Variants in NR2F1-AS1 observed in about 807,000 individuals in gnomAD.
The protein encoded by NR2F1-AS1 is NR2F1 regulatory antisense RNA 1.
intron 1 of NR2F1-AS1, chr5:93,569,954 C>G (rs1176505796): frequency 6.6e-6 from 1 of 152,208 alleles, no homozygotes; most frequent in African/African-American, 2.4e-5. Flanking sequence ...AGCAGTCCTC[C>G]CAACAGATTG....
chr5:93,484,107 A>C (rs1750663472), intron 4 of NR2F1-AS1, among the ~76,000 whole-genome samples: 1 of 152,192 alleles, frequency 6.6e-6, no homozygotes, highest in Non-Finnish European at 1.5e-5. Flanking sequence ...AGAACATCAC[A>C]AAGATACTCC....
chr5:93,455,903 A>G (rs913893602), intron 4 of NR2F1-AS1, among the ~76,000 whole-genome samples: 1 of 152,040 alleles, frequency 6.6e-6, no homozygotes, highest in African/African-American at 2.4e-5. Context: ...ACAAAATCCA[A>G]CACCTATTCA....
At chr5:93,434,878 ATGT>A (rs1170716905) in intron 4 of NR2F1-AS1, among the ~76,000 whole-genome samples, 2 of 152,150 alleles carry the variant, frequency 1.3e-5, no homozygotes, top group African/African-American at 2.4e-5. Flanking sequence ...TATATAAATG[ATGT>A]TGTGTTCTTC....
At position 93,527,038 on chromosome 5, in the gene NR2F1-AS1, G is replaced by A. The variant is rs181629552; in HGVS notation, n.638+26723C>T. 2.0e-5 allele frequency among the ~76,000 whole-genome samples: 3 copies of A among 152,288 alleles called. No homozygotes were observed. In the East Asian group the frequency reaches 5.8e-4, roughly 29 times the overall value. On this transcript the variant is annotated intron_variant and non_coding_transcript_variant, in intron 4 of 5. Coordinates refer to ENST00000660523, the Ensembl canonical transcript of NR2F1-AS1. ...AAAGAAATAAAGGGTATTCAAACAG[G>A]AAGAGAGGAAGTCAAATTGTCTCTG...
At chr5:93,529,255 A>G (rs1007755450) in intron 4 of NR2F1-AS1, among the ~76,000 whole-genome samples, 2 of 152,192 alleles carry the variant, frequency 1.3e-5, no homozygotes, top group Non-Finnish European at 2.9e-5. Context: ...GCTCTGTTTT[A>G]AAGGTATGGG....
chr5:93,554,555 CTTAT>C (rs1413205233), intron 3 of NR2F1-AS1, among the ~76,000 whole-genome samples: 1 of 151,982 alleles, frequency 6.6e-6, no homozygotes, highest in Non-Finnish European at 1.5e-5. Context: ...ATGTTACATG[CTTAT>C]TTATTATTTA....
Position 93,416,692 on chromosome 5 carries a change from G to A in NR2F1-AS1, n.639-21150C>T, listed in dbSNP as rs140883021. Reference sequence around the variant, plus strand: ...CTTTAAGAGATGTTAACTTTCCTAGGGCCACATAGCTACTAAGCGGTCGAA... The same window carrying A: ...CTTTAAGAGATGTTAACTTTCCTAGAGCCACATAGCTACTAAGCGGTCGAA... On this transcript the variant is annotated intron_variant and non_coding_transcript_variant, in intron 4 of 5. Transcript: ENST00000660523. 1.2e-4 allele frequency among the ~76,000 whole-genome samples: 18 copies of A among 152,026 alleles called. 1 individual carries two copies. The East Asian group carries it at 3.3e-3, about 28-fold the overall frequency.
intron 4 of NR2F1-AS1, among the ~76,000 whole-genome samples, chr5:93,431,150 T>TA (rs1749304869): frequency 6.6e-6 from 1 of 152,072 alleles, no homozygotes; most frequent in Admixed American, 6.6e-5. Flanking sequence ...AAACTACCCA[T>TA]AAAAATTAAA....
chr5:93,567,026 T>C (rs1424134505), intron 1 of NR2F1-AS1, among the ~76,000 whole-genome samples: 1 of 152,100 alleles, frequency 6.6e-6, no homozygotes, highest in East Asian at 1.9e-4. Flanking sequence ...TATACTACTT[T>C]TATCAGAAAA....
chr5:93,455,330 T>A (rs1010097746), intron 4 of NR2F1-AS1, among the ~76,000 whole-genome samples: 10 of 152,198 alleles, frequency 6.6e-5, no homozygotes, highest in African/African-American at 9.7e-5. Flanking sequence ...AGTTGTATGA[T>A]ATTATGTAAA....
chr5:93,474,361 C>A (rs1224810914), intron 4 of NR2F1-AS1, among the ~76,000 whole-genome samples: 5 of 152,174 alleles, frequency 3.3e-5, no homozygotes, highest in Admixed American at 3.3e-4. Context: ...AAGTATACTG[C>A]CTATAACAGT....
At chr5:93,518,532 A>G (rs1438327893) in intron 4 of NR2F1-AS1, among the ~76,000 whole-genome samples, 1 of 152,260 alleles carries the variant, frequency 6.6e-6, no homozygotes, top group East Asian at 1.9e-4. Flanking sequence ...AATTTCAGAA[A>G]TAAGATATGA....
intron 4 of NR2F1-AS1, among the ~76,000 whole-genome samples, chr5:93,433,224 T>C (rs1023123436): frequency 6.6e-6 from 1 of 152,212 alleles, no homozygotes; most frequent in African/African-American, 2.4e-5. Context: ...GGTCAAAAGA[T>C]AATTTATTTT....
intron 4 of NR2F1-AS1, among the ~76,000 whole-genome samples, chr5:93,482,758 TG>T (rs371949653): frequency 6.6e-6 from 1 of 152,108 alleles, no homozygotes; most frequent in Non-Finnish European, 1.5e-5. Flanking sequence ...CGCTCTAGCT[TG>T]GTGGAGGGAG....
At chr5:93,466,866 A>C (rs995200805) in intron 4 of NR2F1-AS1, among the ~76,000 whole-genome samples, 24 of 127,028 alleles carry the variant, frequency 1.9e-4, no homozygotes, top group African/African-American at 6.3e-4. Flanking sequence ...TCATCTGATT[A>C]AAGTTTCTTC....
At chr5:93,572,100 C>T (rs574893369) in intron 1 of NR2F1-AS1, among the ~76,000 whole-genome samples, 2 of 152,302 alleles carry the variant, frequency 1.3e-5, no homozygotes, top group African/African-American at 2.4e-5. Flanking sequence ...AATCCCAATA[C>T]GCCTGGCACT....
intron 1 of NR2F1-AS1, among the ~76,000 whole-genome samples, chr5:93,564,140 A>C (rs1449284169): frequency 3.2e-5 from 4 of 126,904 alleles, no homozygotes; most frequent in African/African-American, 6.8e-5. Flanking sequence ...AAAAAAAAAA[A>C]AAAAAAAAAA....
At chr5:93,533,857 C>A (rs1204474914) in intron 4 of NR2F1-AS1, among the ~76,000 whole-genome samples, 2 of 152,146 alleles carry the variant, frequency 1.3e-5, no homozygotes, top group East Asian at 3.9e-4. Flanking sequence ...CTAGGCCAGG[C>A]GCAGTGGCTC....
chr5:93,507,023 C>T (rs560566883), intron 4 of NR2F1-AS1, among the ~76,000 whole-genome samples: 2 of 152,122 alleles, frequency 1.3e-5, no homozygotes, highest in East Asian at 3.9e-4. Context: ...TAAGATTTAT[C>T]CCAGGAATTC....
Sources: allele counts gnomAD v4.1 joint callset (sites outside exome capture counted in the v4.1 genomes callset), GRCh38; gene constraint gnomAD v4.1.1; transcripts MANE v1.5; gene names NCBI Gene and HGNC (gene_info 2026-07-23, HGNC 2026-07-21).